The following CSMD3 variants were observed in gnomAD, a reference collection of about 807,000 sequenced individuals.
CSMD3 encodes CUB and Sushi multiple domains 3.
Under a neutral mutation model 435.2 loss-of-function variants are expected in CSMD3, and 177 were observed. The ratio of observed to expected loss-of-function variants is 0.41; its 90% confidence interval spans 0.36 to 0.46. The LOEUF is 0.46. Among genes scored for constraint, CSMD3 ranks in the 20% least tolerant of loss-of-function variants. The pLI is 0.34. For missense variants in CSMD3, 4,265 were observed against 4,504.6 expected, an observed-to-expected ratio of 0.95 and a Z score of 1.52; for synonymous variants, 1,656 against 1,520.5, an observed-to-expected ratio of 1.09 and a Z score of -2.07.
At chr8:113,298,283 A>G (rs1270815186) in intron 2 of CSMD3, among the ~76,000 whole-genome samples, 2 of 152,096 alleles carry the variant, frequency 1.3e-5, no homozygotes, top group African/African-American at 4.8e-5. Flanking sequence ...CTCAAAACAT[A>G]TTTTGAAAAT....
intron 9 of CSMD3, among the ~76,000 whole-genome samples, chr8:112,933,078 A>T (rs2083166537): frequency 6.6e-6 from 1 of 152,168 alleles, no homozygotes; most frequent in South Asian, 2.1e-4. Flanking sequence ...TATAAAATCA[A>T]ATCGTGGATT....
At chr8:112,289,623 A>G (rs1819563338) in intron 56 of CSMD3, 85 bp from the exon 57 acceptor site, 3 of 872,696 alleles carry the variant, frequency 3.4e-6, no homozygotes, top group Non-Finnish European at 5.2e-6. Context: ...AACATACCAG[A>G]AGTAAATGTT....
intron 27 of CSMD3, among the ~76,000 whole-genome samples, chr8:112,523,533 C>T (rs1001856329): frequency 2.0e-5 from 3 of 151,856 alleles, no homozygotes; most frequent in African/African-American, 4.8e-5. Context: ...AGCTTTATTG[C>T]CTTATATTTT....
intron 45 of CSMD3, among the ~76,000 whole-genome samples, chr8:112,332,094 C>T (rs1824121698): frequency 6.6e-6 from 1 of 152,004 alleles, no homozygotes; most frequent in Admixed American, 6.6e-5. Flanking sequence ...GCACACTTCC[C>T]ACTGTAACAC....
At chr8:113,306,044 C>A (rs536056288) in intron 2 of CSMD3, among the ~76,000 whole-genome samples, 1 of 152,154 alleles carries the variant, frequency 6.6e-6, no homozygotes, top group African/African-American at 2.4e-5. Flanking sequence ...ATAGTTGAAC[C>A]AACAGTAAGC....
At chr8:112,396,589 T>G (rs1175903878) in intron 35 of CSMD3, among the ~76,000 whole-genome samples, 1 of 152,098 alleles carries the variant, frequency 6.6e-6, no homozygotes, top group Non-Finnish European at 1.5e-5. Context: ...ACTTGGGAAG[T>G]TGGTAAGGGT....
chr8:112,727,647 T>A (rs899192724), intron 13 of CSMD3, among the ~76,000 whole-genome samples: 4 of 151,856 alleles, frequency 2.6e-5, no homozygotes, highest in Non-Finnish European at 5.9e-5. Context: ...CAAAACTTAA[T>A]ATTTCCATTT....
At chr8:112,466,512 G>A (rs1817970576) in intron 32 of CSMD3, among the ~76,000 whole-genome samples, 1 of 152,092 alleles carries the variant, frequency 6.6e-6, no homozygotes, top group Non-Finnish European at 1.5e-5. Context: ...TAACATAAAA[G>A]ATGAGAATAA....
Position 112,433,458 on chromosome 8 carries a change from C to T in CSMD3, c.5396-24426G>A, listed in dbSNP as rs577936744. 2.6e-5 allele frequency among the ~76,000 whole-genome samples: 4 copies of T among 151,284 alleles called. No individual in the cohort carries two copies. In the South Asian group the frequency reaches 8.3e-4, roughly 31 times the overall value. ...ATCCTTTGAGGTCAGGAGTTCAAGA[C>T]CAGCCTGGGCAACATAGTAAGACCC... is the stretch of plus-strand genomic sequence containing the variant. On this transcript the variant is annotated intron_variant, in intron 32 of 70. Coordinates refer to ENST00000297405, the MANE Select transcript of CSMD3 (RefSeq NM_198123.2).
chr8:113,432,056 T>C lies in CSMD3; in HGVS notation c.178+4621A>G, dbSNP rs1355003100. Among the ~76,000 whole-genome samples the C allele has an allele frequency of 7.2e-5, 11 of 152,328 alleles. No homozygotes were observed. The East Asian group carries it at 2.1e-3, about 29-fold the overall frequency. ...TCTCCTTGAAGGATCTCAAGGGAGCTGGCATCAGGTTTTCAAGATGCCGAA... is the reference window on the plus strand; with the variant it reads ...TCTCCTTGAAGGATCTCAAGGGAGCCGGCATCAGGTTTTCAAGATGCCGAA... On this transcript the variant is annotated intron_variant, in intron 1 of 70. Transcript: ENST00000297405.
chr8:113,300,731 A>G (rs1228011073), intron 2 of CSMD3, among the ~76,000 whole-genome samples: 1 of 152,048 alleles, frequency 6.6e-6, no homozygotes, highest in Non-Finnish European at 1.5e-5. Flanking sequence ...AACTACCTAT[A>G]AGTACTATAC....
intron 32 of CSMD3, among the ~76,000 whole-genome samples, chr8:112,469,160 CAAAAA>C (rs71309771): frequency 3.3e-5 from 3 of 91,642 alleles, no homozygotes; most frequent in African/African-American, 8.6e-5. Flanking sequence ...CTACACCAGG[CAAAAA>C]AAAAAAAAAA....
At position 112,685,587 on chromosome 8, in the gene CSMD3, G is replaced by A. The variant is rs962518068; in HGVS notation, c.2301C>T (p.Asp767=). 1 of 1,613,904 alleles carries A rather than the reference G, an allele frequency of 6.2e-7. No individual in the cohort carries two copies. Among genetic ancestry groups the A allele is most frequent in the Non-Finnish European group, 8.5e-7 (1 of 1,179,920 alleles). ...SRIHLSFNDF[D]LESQFDFLAV... ...CAAGGAAATCAAACTGGGATTCCAGGTCAAAGTCATTGAAAGAAAGATGTA... is the reference window on the plus strand; with the variant it reads ...CAAGGAAATCAAACTGGGATTCCAGATCAAAGTCATTGAAAGAAAGATGTA... The change falls in exon 15 of 71, where the codon GAC becomes GAT. Residue 767 remains aspartate, a synonymous_variant. Transcript: ENST00000297405.
At chr8:112,306,822 T>C (rs959522621) in intron 50 of CSMD3, among the ~76,000 whole-genome samples, 3 of 152,148 alleles carry the variant, frequency 2.0e-5, no homozygotes, top group Non-Finnish European at 2.9e-5. Flanking sequence ...CACTGATGTG[T>C]CTTAGATGTC....
At chr8:112,605,726 A>G (rs956132247) in intron 22 of CSMD3, among the ~76,000 whole-genome samples, 1 of 152,286 alleles carries the variant, frequency 6.6e-6, no homozygotes, top group South Asian at 2.1e-4. Context: ...TACACCAAAC[A>G]GCCATGACAT....
intron 4 of CSMD3, among the ~76,000 whole-genome samples, chr8:113,100,983 C>T (rs1247792199): frequency 6.6e-6 from 1 of 152,034 alleles, no homozygotes; most frequent in African/African-American, 2.4e-5. Flanking sequence ...TTCATCCTCC[C>T]CTTTCTCACT....
intron 13 of CSMD3, among the ~76,000 whole-genome samples, chr8:112,739,450 G>A (rs556399210): frequency 6.6e-6 from 1 of 151,900 alleles, no homozygotes; most frequent in African/African-American, 2.4e-5. Context: ...TCCACAAATA[G>A]TTTTTACTGG....
chr8:113,426,240 T>G (rs981143406), intron 1 of CSMD3, among the ~76,000 whole-genome samples: 10 of 151,422 alleles, frequency 6.6e-5, no homozygotes, highest in Non-Finnish European at 1.5e-4. Flanking sequence ...CTTCTGATAA[T>G]GGATTCAGAG....
intron 6 of CSMD3, among the ~76,000 whole-genome samples, chr8:113,016,880 TTTC>T (rs2086479279): frequency 2.0e-5 from 3 of 151,956 alleles, no homozygotes; most frequent in Admixed American, 2.0e-4. Flanking sequence ...TTAATTTAAA[TTTC>T]TTCATTATGA....
Sources: allele counts gnomAD v4.1 joint callset (sites outside exome capture counted in the v4.1 genomes callset), GRCh38; gene constraint gnomAD v4.1.1; transcripts MANE v1.5; gene names NCBI Gene and HGNC (gene_info 2026-07-23, HGNC 2026-07-21).